OPTN: variants seen among roughly 807,000 people sequenced by gnomAD.
OPTN encodes the protein optineurin.
OPTN carries 54 observed loss-of-function variants against 70.4 expected under a neutral mutation model. That is an observed-to-expected ratio of 0.77 (90% CI 0.62 to 0.96). OPTN has a LOEUF of 0.96. Among genes scored for constraint, OPTN ranks in the 40% least tolerant of loss-of-function variants. The pLI is 0.00. For missense variants in OPTN, 624 were observed against 673.2 expected, an observed-to-expected ratio of 0.93 and a Z score of 0.81; for synonymous variants, 256 against 248.5, an observed-to-expected ratio of 1.03 and a Z score of -0.28.
In OPTN at chr10:13,132,056, T is replaced by C; in HGVS notation, c.1402-11T>C. ...AGGTACTAACTTCTGTATCTTTTTT[T>C]CCTCTAACAGATGGAAGTTTACTGT... is the stretch of plus-strand genomic sequence containing the variant. On this transcript the variant is annotated splice_polypyrimidine_tract_variant and intron_variant, in intron 12 of 14. Coordinates refer to ENST00000378747, the MANE Select transcript of OPTN (RefSeq NM_001008212.2). 6.2e-7 allele frequency: 1 copy of C among 1,611,188 alleles called. No homozygotes were observed. The highest frequency in any genetic ancestry group is 8.5e-7 in the Non-Finnish European group (1 of 1,177,982).
chr10:13,128,876 A>G (rs59430068), intron 12 of OPTN, among the ~76,000 whole-genome samples: 1,809 of 152,120 alleles, frequency 0.012, 46 homozygotes, highest in African/African-American at 0.042. Context: ...ACTTCTATGT[A>G]TACTGCACAT....
chr10:13,100,192 C>A lies in OPTN; in HGVS notation c.-274C>A, dbSNP rs552494483. The A allele has an allele frequency of 4.8e-4, 75 of 154,734 alleles. 1 individual carries two copies. In the South Asian group the frequency reaches 0.013, roughly 28 times the overall value. The allele number at this position is 154,734 out of a possible 1,614,324, so 9.6% of individuals were successfully genotyped here. A position where few individuals can be genotyped will look rare whatever the true frequency, so the allele number is the denominator to read the frequency against. The stretch of plus-strand genomic sequence containing the variant: ...CCGGCTGCCCCCTCCGCCACCGCCG[C>A]CGCCCGCCGGCAGGTTCCCTGGTCA... On this transcript the variant is annotated 5_prime_UTR_variant, in exon 1 of 15. Transcript: ENST00000378747.
At position 13,137,150 on chromosome 10, in the gene OPTN, A is replaced by G; in HGVS notation, c.*284A>G. The G allele has an allele frequency of 4.4e-6, 2 of 450,422 alleles. No homozygotes were observed. The highest frequency in any genetic ancestry group is 4.1e-5 in the South Asian group (2 of 48,350). The allele number at this position is 450,422 out of a possible 1,614,324, so 27.9% of individuals were successfully genotyped here. A position where few individuals can be genotyped will look rare whatever the true frequency, so the allele number is the denominator to read the frequency against. On this transcript the variant is annotated 3_prime_UTR_variant, in exon 15 of 15. Coordinates refer to ENST00000378747, the MANE Select transcript of OPTN (RefSeq NM_001008212.2). ...AAAAATTAGCCGAGCATGGTGGCGC[A>G]TGCCTGTAGTCGCAGCTACTCGCGA...
At chr10:13,120,128 G>C (rs1761796) in intron 7 of OPTN, among the ~76,000 whole-genome samples, 8 of 150,304 alleles carry the variant, frequency 5.3e-5, no homozygotes, top group East Asian at 1.9e-4. Context: ...GACTACAGGC[G>C]CCCGCCACCA....
chr10:13,116,331 C>T lies in OPTN; in HGVS notation c.617C>T (p.Ser206Phe). 3 of 1,612,776 alleles carry T rather than the reference C, an allele frequency of 1.9e-6. No homozygotes were observed. The highest frequency in any genetic ancestry group is 2.5e-6 in the Non-Finnish European group (3 of 1,178,854). The change falls in exon 6 of 15, where the codon TCC (serine) becomes TTC (phenylalanine). Residue 206 changes from serine to phenylalanine, a missense_variant. Ser to Phe is a radical substitution (Grantham distance 155). Coordinates refer to ENST00000378747, the MANE Select transcript of OPTN (RefSeq NM_001008212.2). ...AGTCCTGGGCCCACGAGAACAGTCT[C>T]CACTGGCACGTATGTGAAGGAAGAC... ...KHSPGPTRTV[S>F]TGTALSKYRS... is the part of the protein sequence containing the mutation.
intron 1 of OPTN, among the ~76,000 whole-genome samples, chr10:13,100,753 C>T (rs1038575407): frequency 6.6e-6 from 1 of 152,186 alleles, no homozygotes; most frequent in African/African-American, 2.4e-5. Flanking sequence ...ACATAGACTG[C>T]TGTGTCTAGG....
At chr10:13,107,593 G>C (rs1379615726) in intron 1 of OPTN, among the ~76,000 whole-genome samples, 1 of 151,722 alleles carries the variant, frequency 6.6e-6, no homozygotes, top group African/African-American at 2.4e-5. Flanking sequence ...GTGTTAGCCA[G>C]GATGGTCTCG....
chr10:13,117,091 T>TTTA (rs1329004727), intron 6 of OPTN, among the ~76,000 whole-genome samples: 2 of 149,372 alleles, frequency 1.3e-5, no homozygotes, highest in Non-Finnish European at 3.0e-5. Context: ...TTTTTTTTTT[T>TTTA]TTTTTTTGAG....
rs145075721 is a variant in OPTN at position 13,136,585 on chromosome 10, C to T, written c.1613-160C>T. Among the ~76,000 whole-genome samples the T allele has an allele frequency of 1.7e-4, 26 of 151,258 alleles. No homozygotes were observed. The East Asian group carries it at 5.1e-3, about 29-fold the overall frequency. ...TGGAGAGATTTTTCTCTATGTGCAT[C>T]GTGATGACTTCAGTTAAAGACCAAA... is the stretch of plus-strand genomic sequence containing the variant. On this transcript the variant is annotated intron_variant, in intron 14 of 14. Coordinates refer to ENST00000378747, the MANE Select transcript of OPTN (RefSeq NM_001008212.2).
intron 1 of OPTN, among the ~76,000 whole-genome samples, chr10:13,106,824 G>T (rs546750410): frequency 3.9e-5 from 6 of 152,340 alleles, no homozygotes; most frequent in African/African-American, 1.4e-4. Context: ...GAAACAGGCA[G>T]TGCTCTTATC....
At chr10:13,117,294 A>G (rs968819313) in intron 6 of OPTN, among the ~76,000 whole-genome samples, 5 of 151,038 alleles carry the variant, frequency 3.3e-5, no homozygotes, top group East Asian at 2.0e-4. Flanking sequence ...GTTAGCCAGG[A>G]TGGTCTCGAT....
In OPTN at chr10:13,127,755, T is replaced by G. The variant is rs762470446; in HGVS notation, c.1253T>G (p.Val418Gly). Reference sequence around the variant, plus strand: ...ATGTTTCTTTTTCAGTCAGAAAAAGTGGACAGGGCAGTGCTGAAGGAACTG... The same window carrying G: ...ATGTTTCTTTTTCAGTCAGAAAAAGGGGACAGGGCAGTGCTGAAGGAACTG... ...EELTRKESEK[V>G]DRAVLKELSE... The change falls in exon 12 of 15, where the codon GTG becomes GGG. Residue 418 changes from valine (V) to glycine (G), a missense_variant. Transcript: ENST00000378747. 2.5e-6 allele frequency: 4 copies of G among 1,614,068 alleles called. No individual in the cohort carries two copies. The highest frequency in any genetic ancestry group is 1.6e-4 in the Middle Eastern group (1 of 6,062).
intron 1 of OPTN, among the ~76,000 whole-genome samples, chr10:13,100,722 G>A (rs1261436096): frequency 1.3e-5 from 2 of 152,238 alleles, no homozygotes; most frequent in African/African-American, 2.4e-5. Context: ...TGAATGAGGT[G>A]CCCAGGGTCG....
In OPTN at chr10:13,109,282, C is replaced by A; in HGVS notation, c.160C>A (p.Leu54Met). The part of the protein sequence containing the change: ...MKELLTENHQ[L>M]KEAMKLNNQA... ...AGAGCTCCTGACCGAGAACCACCAG[C>A]TGAAAGGTGAGCAGGGCTGGCCCCT... The change falls in exon 3 of 15, where the codon CTG becomes ATG. Residue 54 changes from leucine (L) to methionine (M), a missense_variant. By Grantham distance (15) the Leu-to-Met change is conservative (BLOSUM62 2). Coordinates refer to ENST00000378747, the MANE Select transcript of OPTN (RefSeq NM_001008212.2). 6.2e-7 allele frequency: 1 copy of A among 1,613,960 alleles called. No homozygotes were observed.
rs374641005 is a variant in OPTN at position 13,133,572 on chromosome 10, G to T, written c.1603G>T (p.Val535Phe). ...TGACTCTGACCAGCAGGCTTACCTT[G>T]TTCAAAGAGGTGAGTCCCGTGTGAT... is the stretch of plus-strand genomic sequence containing the variant. Reference protein sequence around the residue: ...TSDSDQQAYLVQRGAEDRDWR... With the variant: ...TSDSDQQAYLFQRGAEDRDWR... The change falls in exon 14 of 15, where the codon GTT becomes TTT. Residue 535 changes from valine (V) to phenylalanine (F), a missense_variant. Coordinates refer to ENST00000378747, the MANE Select transcript of OPTN (RefSeq NM_001008212.2). 10 of 1,613,808 alleles carry T rather than the reference G, an allele frequency of 6.2e-6. No homozygotes were observed. In the African/African-American group the frequency reaches 1.2e-4, roughly 19 times the overall value.
chr10:13,136,236 G>A (rs911876721), intron 14 of OPTN, among the ~76,000 whole-genome samples: 12 of 152,046 alleles, frequency 7.9e-5, no homozygotes, highest in Admixed American at 3.3e-4. Context: ...CAGGCCAGGC[G>A]CAGTGGCTCA....
chr10:13,106,419 A>G (rs986498842), intron 1 of OPTN, among the ~76,000 whole-genome samples: 1 of 152,252 alleles, frequency 6.6e-6, no homozygotes, highest in African/African-American at 2.4e-5. Context: ...CTTCTGCATT[A>G]TACCTGTTTT....
chr10:13,110,390 G>C lies in OPTN; in HGVS notation c.283G>C (p.Glu95Gln), dbSNP rs1180447957. 1.2e-6 allele frequency: 2 copies of C among 1,614,136 alleles called. No homozygotes were observed. The highest frequency in any genetic ancestry group is 2.2e-5 in the East Asian group (1 of 44,876). ...TGAGATACAGAGCAAAGAAGCAAAA[G>C]AGCGTCTAATGGCCTTGAGTCATGA... ...FFEIQSKEAK[E>Q]RLMALSHENE... Residue 95 changes from glutamate to glutamine, a missense_variant, in exon 4 of 15, where the codon GAG becomes CAG. Physicochemically the swap from Glu to Gln is conservative, Grantham distance 29. Transcript: ENST00000378747.
chr10:13,134,228 C>T (rs184964586), intron 14 of OPTN, among the ~76,000 whole-genome samples: 26 of 152,298 alleles, frequency 1.7e-4, no homozygotes, highest in South Asian at 1.2e-3. Context: ...TTCACAGAGA[C>T]GCCCTTTTCT....
Sources: allele counts gnomAD v4.1 joint callset (sites outside exome capture counted in the v4.1 genomes callset), GRCh38; gene constraint gnomAD v4.1.1; transcripts MANE v1.5; gene names NCBI Gene and HGNC (gene_info 2026-07-23, HGNC 2026-07-21).